Variants in CPA6 observed in about 807,000 individuals in gnomAD.
The protein encoded by CPA6 is carboxypeptidase A6.
CPA6 carries 58 observed loss-of-function variants against 63.3 expected under a neutral mutation model. The ratio of observed to expected loss-of-function variants is 0.92; its 90% confidence interval spans 0.74 to 1.14. CPA6 has a LOEUF of 1.14. CPA6 is among the 50% of genes most tolerant of loss of function. The pLI is 0.00. For synonymous variants in CPA6, 185 were observed against 179.0 expected, an observed-to-expected ratio of 1.03 and a Z score of -0.27; for missense variants, 565 against 526.6, an observed-to-expected ratio of 1.07 and a Z score of -0.71.
chr8:67,567,480 T>C (rs183906214), intron 2 of CPA6, among the ~76,000 whole-genome samples: 136 of 152,370 alleles, frequency 8.9e-4, no homozygotes, highest in African/African-American at 3.1e-3. Context: ...TCAGGACATT[T>C]AACTGGGTCA....
rs566491106 is a variant in CPA6, at chr8:67,613,170, T to G, written c.192+11006A>C. ...GATAATTTCCCCTACCTCATACCCTTGCCTATTTCATGATACCTGTTTGCT... is the reference window on the plus strand; with the variant it reads ...GATAATTTCCCCTACCTCATACCCTGGCCTATTTCATGATACCTGTTTGCT... On this transcript the variant is annotated intron_variant, in intron 2 of 10. Coordinates refer to ENST00000297770, the MANE Select transcript of CPA6 (RefSeq NM_020361.5). 3.7e-4 allele frequency among the ~76,000 whole-genome samples: 57 copies of G among 152,354 alleles called. 1 individual carries two copies. The highest frequency in any genetic ancestry group is 6.5e-4 in the Non-Finnish European group (44 of 68,036).
chr8:67,718,927 G>T lies in CPA6; in HGVS notation c.116+27087C>A, dbSNP rs370180520. Among the ~76,000 whole-genome samples the T allele has an allele frequency of 6.6e-5, 10 of 152,246 alleles. No individual in the cohort carries two copies. The East Asian group carries it at 9.7e-4, about 15-fold the overall frequency. Reference sequence around the variant, plus strand: ...CCTGAAGTGCTGGGATTACAGGCATGAGCCACCGCACCTGGCCAAGTGTTA... The same window carrying T: ...CCTGAAGTGCTGGGATTACAGGCATTAGCCACCGCACCTGGCCAAGTGTTA... On this transcript the variant is annotated intron_variant, in intron 1 of 10. Coordinates refer to ENST00000297770, the MANE Select transcript of CPA6 (RefSeq NM_020361.5).
At chr8:67,455,888 A>G (rs376024473) in intron 8 of CPA6, among the ~76,000 whole-genome samples, 19 of 151,942 alleles carry the variant, frequency 1.3e-4, no homozygotes, top group African/African-American at 4.3e-4. Flanking sequence ...CTAATTTTGG[A>G]ATTTTTTGTA....
intron 1 of CPA6, among the ~76,000 whole-genome samples, chr8:67,728,056 C>T (rs377206773): frequency 2.1e-5 from 3 of 144,594 alleles, no homozygotes; most frequent in Admixed American, 7.0e-5. Context: ...CTAGCCTGGG[C>T]GACGGAGTGA....
chr8:67,691,201 C>T (rs562978553), intron 1 of CPA6, among the ~76,000 whole-genome samples: 11 of 152,284 alleles, frequency 7.2e-5, no homozygotes, highest in African/African-American at 2.6e-4. Flanking sequence ...ATATTGACTT[C>T]ATACATCTGT....
intron 1 of CPA6, among the ~76,000 whole-genome samples, chr8:67,702,550 T>C (rs946057049): frequency 1.3e-5 from 2 of 151,776 alleles, no homozygotes; most frequent in African/African-American, 4.8e-5. Flanking sequence ...TAGAAAACAC[T>C]TGAAGCTGGT....
At chr8:67,728,293 G>A (rs1482661576) in intron 1 of CPA6, among the ~76,000 whole-genome samples, 1 of 152,048 alleles carries the variant, frequency 6.6e-6, no homozygotes, top group African/African-American at 2.4e-5. Context: ...CCTCATTGGG[G>A]AATTGGGTAA....
At chr8:67,500,964 G>A (rs1811819520) in intron 6 of CPA6, among the ~76,000 whole-genome samples, 1 of 151,874 alleles carries the variant, frequency 6.6e-6, no homozygotes, top group African/African-American at 2.4e-5. Context: ...ATTATTGTAG[G>A]TATATAGTAT....
At chr8:67,656,227 C>T (rs569758165) in intron 1 of CPA6, among the ~76,000 whole-genome samples, 10 of 152,196 alleles carry the variant, frequency 6.6e-5, no homozygotes, top group Non-Finnish European at 1.5e-4. Flanking sequence ...TTAATCTCAT[C>T]AACCAAAGTC....
At chr8:67,681,255 T>C (rs1816590705) in intron 1 of CPA6, among the ~76,000 whole-genome samples, 1 of 131,974 alleles carries the variant, frequency 7.6e-6, no homozygotes, top group African/African-American at 3.2e-5. Flanking sequence ...CAGGCCGGAC[T>C]GCGGACTGCA....
At chr8:67,612,169 T>C (rs1165983712) in intron 2 of CPA6, among the ~76,000 whole-genome samples, 2 of 152,198 alleles carry the variant, frequency 1.3e-5, no homozygotes, top group Non-Finnish European at 2.9e-5. Context: ...GCTGAAGTTT[T>C]AGGGCAGAGA....
chr8:67,446,188 C>T (rs187442768), intron 8 of CPA6, among the ~76,000 whole-genome samples: 60 of 150,542 alleles, frequency 4.0e-4, no homozygotes, highest in African/African-American at 1.3e-3. Context: ...ATGGCTTGAA[C>T]CCGGGAGGCA....
chr8:67,548,815 A>G (rs1336341327), intron 2 of CPA6, among the ~76,000 whole-genome samples: 1 of 152,208 alleles, frequency 6.6e-6, no homozygotes, highest in Non-Finnish European at 1.5e-5. Context: ...TGTAGTTAGC[A>G]TCTCTGTGCA....
intron 1 of CPA6, among the ~76,000 whole-genome samples, chr8:67,662,830 A>G (rs967460665): frequency 2.6e-5 from 4 of 152,174 alleles, no homozygotes; most frequent in African/African-American, 7.2e-5. Flanking sequence ...TGTCAGGAAT[A>G]CAGAGGCAGA....
intron 1 of CPA6, among the ~76,000 whole-genome samples, chr8:67,641,262 T>C (rs927872991): frequency 2.0e-5 from 3 of 151,796 alleles, no homozygotes; most frequent in African/African-American, 7.3e-5. Context: ...ACAGGTTGGA[T>C]TGGATTTGGT....
intron 1 of CPA6, among the ~76,000 whole-genome samples, chr8:67,647,164 C>T (rs1815730587): frequency 6.6e-6 from 1 of 151,852 alleles, no homozygotes; most frequent in African/African-American, 2.4e-5. Flanking sequence ...CCAACAGGGT[C>T]CACTGCTGAA....
intron 2 of CPA6, among the ~76,000 whole-genome samples, chr8:67,532,748 A>T (rs1015578712): frequency 2.0e-5 from 3 of 152,186 alleles, no homozygotes; most frequent in Non-Finnish European, 2.9e-5. Context: ...AATATAACCT[A>T]CAAAGTTGGC....
At chr8:67,615,476 C>G (rs1181201617) in intron 2 of CPA6, among the ~76,000 whole-genome samples, 1 of 151,956 alleles carries the variant, frequency 6.6e-6, no homozygotes, top group Admixed American at 6.6e-5. Flanking sequence ...TTGTAATTTT[C>G]AGGTGAAATT....
At chr8:67,517,289 T>C (rs1224014630) in intron 3 of CPA6, among the ~76,000 whole-genome samples, 4 of 152,192 alleles carry the variant, frequency 2.6e-5, no homozygotes, top group African/African-American at 4.8e-5. Flanking sequence ...AATGCTCTCG[T>C]GATCCTACTA....
Sources: allele counts gnomAD v4.1 joint callset (sites outside exome capture counted in the v4.1 genomes callset), GRCh38; gene constraint gnomAD v4.1.1; transcripts MANE v1.5; gene names NCBI Gene and HGNC (gene_info 2026-07-23, HGNC 2026-07-21).